Variants in MLLT10 observed in about 807,000 individuals in gnomAD.
MLLT10 encodes MLLT10 histone lysine methyltransferase DOT1L cofactor, also known as protein AF-10.
In MLLT10, 30 loss-of-function variants were observed where a neutral mutation model predicts 129.1. That is an observed-to-expected ratio of 0.23 (90% CI 0.17 to 0.32). The LOEUF is 0.32. Among genes scored for constraint, MLLT10 ranks in the 10% least tolerant of loss-of-function variants. MLLT10 has a pLI of 1.00. For synonymous variants in MLLT10, 490 were observed against 446.4 expected (o/e 1.10, Z -1.23); for missense variants, 1,119 against 1,268.3 (o/e 0.88, Z 1.79).
intron 16 of MLLT10, among the ~76,000 whole-genome samples, chr10:21,729,120 T>C (rs915840404): frequency 4.6e-5 from 7 of 152,140 alleles, no homozygotes; most frequent in African/African-American, 1.2e-4. Flanking sequence ...ATCCATTCTT[T>C]GGAAACCAGG....
In MLLT10 at chr10:21,591,404, C is replaced by G. The variant is rs192377344; in HGVS notation, c.296-3927C>G. Among the ~76,000 whole-genome samples, 273 of 152,284 alleles carry G rather than the reference C, an allele frequency of 1.8e-3. 2 individuals carry two copies. The highest frequency in any genetic ancestry group is 6.2e-3 in the African/African-American group (257 of 41,562). ...ATTTTCCAGTTTCCCTTGTGACTTT[C>G]TCTTGACTATCTTAGTCTATCTTGG... On this transcript the variant is annotated intron_variant, in intron 4 of 22. Transcript: ENST00000307729.
At chr10:21,643,266 C>A (rs2048187569) in intron 8 of MLLT10, among the ~76,000 whole-genome samples, 1 of 152,206 alleles carries the variant, frequency 6.6e-6, no homozygotes, top group Admixed American at 6.5e-5. Flanking sequence ...CTCCTGACCT[C>A]AAGTAATCTG....
intron 3 of MLLT10, among the ~76,000 whole-genome samples, chr10:21,542,928 A>G (rs1042189468): frequency 7.9e-5 from 12 of 151,154 alleles, no homozygotes; most frequent in Admixed American, 7.2e-4. Context: ...TTTTAACATC[A>G]TTTGGTGGGA....
At chr10:21,536,924 C>G (rs888663636) in intron 2 of MLLT10, among the ~76,000 whole-genome samples, 2 of 152,134 alleles carry the variant, frequency 1.3e-5, no homozygotes, top group Non-Finnish European at 2.9e-5. Context: ...GCTGGGATTG[C>G]AGGCATGGAC....
intron 9 of MLLT10, among the ~76,000 whole-genome samples, chr10:21,660,437 G>A (rs967878299): frequency 1.4e-4 from 21 of 151,310 alleles, no homozygotes; most frequent in African/African-American, 4.8e-4. Context: ...CCAACATGGA[G>A]AAACTCTTTC....
At chr10:21,633,243 TAACTGAAAACCTGGTTGTTTAGACAG>T (rs2047162711) in intron 8 of MLLT10, among the ~76,000 whole-genome samples, 1 of 152,254 alleles carries the variant, frequency 6.6e-6, no homozygotes, top group Non-Finnish European at 1.5e-5. Flanking sequence ...TGGCACATAT[TAACTGAAAACCTGGTTGTTTAGACAG>T]AAAACACAGG....
chr10:21,735,080 AC>A, intron 20 of MLLT10, 58 bp from the exon 21 acceptor site: 1 of 1,232,114 alleles, frequency 8.1e-7, no homozygotes, highest in South Asian at 1.3e-5. Flanking sequence ...TCATTTTTAG[AC>A]TTCTAAAAAT....
intron 5 of MLLT10, among the ~76,000 whole-genome samples, chr10:21,599,063 C>G (rs1278359730): frequency 1.3e-5 from 2 of 151,910 alleles, no homozygotes; most frequent in Non-Finnish European, 2.9e-5. Flanking sequence ...CCTGTAATCC[C>G]ACTACTCAGG....
intron 5 of MLLT10, among the ~76,000 whole-genome samples, chr10:21,609,321 A>G (rs1002928132): frequency 5.3e-5 from 8 of 152,174 alleles, no homozygotes; most frequent in African/African-American, 1.4e-4. Flanking sequence ...AGGGTGTACA[A>G]TTGAGCTTAT....
At chr10:21,622,939 G>A (rs1156714303) in intron 8 of MLLT10, among the ~76,000 whole-genome samples, 3 of 152,112 alleles carry the variant, frequency 2.0e-5, no homozygotes, top group African/African-American at 7.2e-5. Flanking sequence ...CCTTAGATTA[G>A]GTAATTTGCT....
Position 21,617,186 on chromosome 10 carries a change from A to G in MLLT10, c.678A>G (p.Lys226=). 1 of 1,521,036 alleles carries G rather than the reference A, an allele frequency of 6.6e-7. No homozygotes were observed. The highest frequency in any genetic ancestry group is 8.9e-7 in the Non-Finnish European group (1 of 1,127,606). The allele number at this position is 1,521,036 out of a possible 1,614,324, so 94.2% of individuals were successfully genotyped here. The change falls in exon 8 of 23, where the codon AAA becomes AAG. Residue 226 remains lysine (K), a synonymous_variant. Coordinates refer to ENST00000307729, the MANE Select transcript of MLLT10 (RefSeq NM_001195626.3). The part of the protein sequence containing the change: ...LSDSSSHSQD[K]HHEKEKKKYK... ...ATTCTTCCTCTCACTCTCAGGATAA[A>G]CATCATGAGAAAGAGAAAAAAGTAA...
rs530546472 is a variant in MLLT10, at chr10:21,552,396, T to G, written c.240+13484T>G. Among the ~76,000 whole-genome samples the G allele has an allele frequency of 2.7e-5, 4 of 150,026 alleles. No homozygotes were observed. The East Asian group carries it at 7.8e-4, about 29-fold the overall frequency. On this transcript the variant is annotated intron_variant, in intron 3 of 22. Coordinates refer to ENST00000307729, the MANE Select transcript of MLLT10 (RefSeq NM_001195626.3). ...TGTATATCTTCTTATTGCTTTTTTT[T>G]TTTTTTTTTTTGAGATGGAGTTTTG...
intron 13 of MLLT10, among the ~76,000 whole-genome samples, chr10:21,698,463 T>C (rs1377549707): frequency 6.6e-6 from 1 of 152,248 alleles, no homozygotes; most frequent in Non-Finnish European, 1.5e-5. Flanking sequence ...CTTTATCCAT[T>C]TGTCCATTGA....
rs1460075676 is a variant in MLLT10 at position 21,585,673 on chromosome 10, C to G, written c.241-621C>G. Among the ~76,000 whole-genome samples the G allele has an allele frequency of 7.2e-5, 11 of 152,146 alleles. 1 individual carries two copies. The highest frequency in any genetic ancestry group is 7.2e-4 in the Admixed American group (11 of 15,272). On this transcript the variant is annotated intron_variant, in intron 3 of 22. Coordinates refer to ENST00000307729, the MANE Select transcript of MLLT10 (RefSeq NM_001195626.3). ...TGCCCCATTCCTGTGTTGAGAGGACCTTTTTGTTTTTTCTCCCGCTCCCCA... is the reference window on the plus strand; with the variant it reads ...TGCCCCATTCCTGTGTTGAGAGGACGTTTTTGTTTTTTCTCCCGCTCCCCA...
At chr10:21,671,658 G>A (rs535341665) in intron 10 of MLLT10, among the ~76,000 whole-genome samples, 6 of 152,302 alleles carry the variant, frequency 3.9e-5, no homozygotes, top group African/African-American at 1.4e-4. Context: ...GGTGGCACAT[G>A]CCTATAGTCC....
chr10:21,551,813 TAGG>T, intron 3 of MLLT10: 1 of 427,124 alleles, frequency 2.3e-6, no homozygotes, highest in African/African-American at 2.1e-5. Context: ...TTTTTTTTTT[TAGG>T]CAGAGTCTCG....
intron 5 of MLLT10, among the ~76,000 whole-genome samples, chr10:21,600,889 G>T (rs910521075): frequency 4.6e-5 from 7 of 151,934 alleles, no homozygotes; most frequent in African/African-American, 1.7e-4. Context: ...TTTTTCTCAG[G>T]AATAGTAAAC....
chr10:21,692,913 T>A (rs2054011983), intron 13 of MLLT10, among the ~76,000 whole-genome samples: 1 of 152,230 alleles, frequency 6.6e-6, no homozygotes, highest in Non-Finnish European at 1.5e-5. Flanking sequence ...GAAAGGCAAA[T>A]TATGTTGATA....
At chr10:21,739,700 T>C (rs144700072) in intron 21 of MLLT10, among the ~76,000 whole-genome samples, 1 of 152,340 alleles carries the variant, frequency 6.6e-6, no homozygotes, top group East Asian at 1.9e-4. Context: ...AAGGTTGTTT[T>C]AAGTTTGGAA....
Sources: allele counts gnomAD v4.1 joint callset (sites outside exome capture counted in the v4.1 genomes callset), GRCh38; gene constraint gnomAD v4.1.1; transcripts MANE v1.5; gene names NCBI Gene and HGNC (gene_info 2026-07-23, HGNC 2026-07-21).